The following NRXN1 variants were observed in gnomAD, a reference collection of about 807,000 sequenced individuals.
NRXN1 encodes neurexin 1.
NRXN1 carries 39 observed loss-of-function variants against 150.9 expected under a neutral mutation model. The observed-to-expected ratio is 0.26, with a 90% confidence interval of 0.20 to 0.34. The LOEUF is 0.34. Among genes scored for constraint, NRXN1 ranks in the 10% least tolerant of loss-of-function variants. The probability of loss-of-function intolerance (pLI) is 1.00; values close to 1 mark genes in which losing one functional copy is unlikely to be tolerated. For missense variants in NRXN1, 1,815 were observed against 1,949.9 expected (o/e 0.93, Z 1.30); for synonymous variants, 924 against 757.0 (o/e 1.22, Z -3.62).
chr2:50,621,244 T>C lies in NRXN1; in HGVS notation c.1140A>G (p.Ser380=). 1.3e-6 allele frequency: 2 copies of C among 1,570,802 alleles called. No individual in the cohort carries two copies. Among genetic ancestry groups the C allele is most frequent in the Non-Finnish European group, 1.7e-6 (2 of 1,156,140 alleles). ...VKVTRNLRQH[S]GIGHAMVTIS... is the part of the protein sequence containing the mutation. ...TGTTTACCATAGCGTGTCCAATGCC[T>C]GAGTGCTTTGTGGAGAAGGGGGGAG... Residue 380 remains serine, a synonymous_variant, in exon 7 of 23, where the codon TCA becomes TCG. Coordinates refer to ENST00000401669, the MANE Select transcript of NRXN1 (RefSeq NM_001330078.2).
At chr2:50,193,535 C>A (rs1452029894) in intron 18 of NRXN1, among the ~76,000 whole-genome samples, 2 of 152,110 alleles carry the variant, frequency 1.3e-5, no homozygotes, top group African/African-American at 4.8e-5. Flanking sequence ...AGACTTCTGG[C>A]AGGGCTTCTC....
intron 17 of NRXN1, among the ~76,000 whole-genome samples, chr2:50,400,807 T>A (rs75442288): frequency 0.011 from 1,685 of 152,302 alleles, 36 homozygotes; most frequent in African/African-American, 0.037. Flanking sequence ...TGTTTTATTT[T>A]TATAAGATTT....
intron 17 of NRXN1, among the ~76,000 whole-genome samples, chr2:50,428,243 G>A (rs1274755018): frequency 2.0e-5 from 3 of 151,928 alleles, no homozygotes; most frequent in South Asian, 2.1e-4. Flanking sequence ...CAAGACCCCC[G>A]TCTCTACGAA....
At chr2:50,473,610 G>A (rs1340441648) in intron 15 of NRXN1, among the ~76,000 whole-genome samples, 1 of 151,850 alleles carries the variant, frequency 6.6e-6, no homozygotes, top group Non-Finnish European at 1.5e-5. Context: ...TCTTTCTCAT[G>A]TTAACCATTC....
At chr2:50,895,354 G>C (rs910926071) in intron 5 of NRXN1, among the ~76,000 whole-genome samples, 1 of 152,014 alleles carries the variant, frequency 6.6e-6, no homozygotes, top group Non-Finnish European at 1.5e-5. Flanking sequence ...CTACATATTG[G>C]ATATTTTTCC....
At chr2:50,490,886 A>G (rs993105352) in intron 15 of NRXN1, among the ~76,000 whole-genome samples, 3 of 152,096 alleles carry the variant, frequency 2.0e-5, no homozygotes, top group African/African-American at 7.2e-5. Context: ...CTTACTTCCT[A>G]CTGGATCCTT....
At chr2:50,880,650 G>A (rs1039971792) in intron 5 of NRXN1, among the ~76,000 whole-genome samples, 1 of 151,934 alleles carries the variant, frequency 6.6e-6, no homozygotes, top group Non-Finnish European at 1.5e-5. Flanking sequence ...TTTGCACGAG[G>A]TTAACAGAAG....
At chr2:50,705,434 G>A (rs565408520) in intron 5 of NRXN1, among the ~76,000 whole-genome samples, 34 of 152,118 alleles carry the variant, frequency 2.2e-4, no homozygotes, top group Admixed American at 1.1e-3. Context: ...GATAATCCAC[G>A]GAAGCACTTA....
intron 15 of NRXN1, among the ~76,000 whole-genome samples, chr2:50,485,584 C>T (rs1474659789): frequency 6.6e-6 from 1 of 152,184 alleles, no homozygotes; most frequent in African/African-American, 2.4e-5. Flanking sequence ...GAATGGGGTA[C>T]ACTTCCAAGG....
chr2:50,149,868 T>C (rs927489581), intron 18 of NRXN1, among the ~76,000 whole-genome samples: 2 of 151,642 alleles, frequency 1.3e-5, no homozygotes, highest in Admixed American at 1.3e-4. Context: ...TTGTTTTCAT[T>C]ATTATCTGTA....
intron 5 of NRXN1, among the ~76,000 whole-genome samples, chr2:50,633,848 T>C (rs990163536): frequency 1.3e-5 from 2 of 152,072 alleles, no homozygotes; most frequent in African/African-American, 2.4e-5. Context: ...AAGTGAGTTA[T>C]ATGTGAAACT....
chr2:50,090,734 T>C (rs1699442868), intron 19 of NRXN1, among the ~76,000 whole-genome samples: 2 of 152,156 alleles, frequency 1.3e-5, no homozygotes, highest in Admixed American at 1.3e-4. Context: ...GTAGTGCTAG[T>C]GTCAAAGAAT....
At chr2:50,766,608 T>G (rs958369095) in intron 5 of NRXN1, among the ~76,000 whole-genome samples, 10 of 152,020 alleles carry the variant, frequency 6.6e-5, no homozygotes, top group Non-Finnish European at 1.5e-4. Flanking sequence ...ATGCTGGGAT[T>G]AATCCCACAT....
intron 2 of NRXN1, among the ~76,000 whole-genome samples, chr2:51,013,996 G>T (rs549539493): frequency 1.3e-5 from 2 of 151,976 alleles, no homozygotes; most frequent in African/African-American, 4.8e-5. Flanking sequence ...ACAGACACTA[G>T]TGAGAGACAT....
chr2:50,593,601 C>T (rs1032175641), intron 8 of NRXN1, among the ~76,000 whole-genome samples: 2 of 152,130 alleles, frequency 1.3e-5, no homozygotes, highest in Non-Finnish European at 2.9e-5. Context: ...CTGATCCCTG[C>T]AGTTAGTGTT....
chr2:50,679,770 C>T, intron 5 of NRXN1, among the ~76,000 whole-genome samples: 1 of 151,998 alleles, frequency 6.6e-6, no homozygotes, highest in East Asian at 1.9e-4. Context: ...CTGTTAGAAC[C>T]ATGACTTGGA....
At chr2:50,825,495 G>A (rs1362064632) in intron 5 of NRXN1, among the ~76,000 whole-genome samples, 7 of 152,160 alleles carry the variant, frequency 4.6e-5, no homozygotes, top group African/African-American at 1.7e-4. Flanking sequence ...ATGTAATGAA[G>A]CTTCCATAAT....
At chr2:50,755,357 T>C (rs914162872) in intron 5 of NRXN1, among the ~76,000 whole-genome samples, 3 of 151,782 alleles carry the variant, frequency 2.0e-5, no homozygotes, top group Admixed American at 6.6e-5. Context: ...ACCTAATTAT[T>C]GTGAGCAAAA....
chr2:50,842,666 C>G (rs918480961), intron 5 of NRXN1, among the ~76,000 whole-genome samples: 8 of 152,078 alleles, frequency 5.3e-5, no homozygotes, highest in Non-Finnish European at 1.0e-4. Flanking sequence ...AATTAGTAAC[C>G]CACTACAAAC....
Sources: allele counts gnomAD v4.1 joint callset (sites outside exome capture counted in the v4.1 genomes callset), GRCh38; gene constraint gnomAD v4.1.1; transcripts MANE v1.5; gene names NCBI Gene and HGNC (gene_info 2026-07-23, HGNC 2026-07-21).